DLAT: variants seen among roughly 807,000 people sequenced by gnomAD.
DLAT encodes the protein dihydrolipoamide S-acetyltransferase, also known as dihydrolipoyllysine-residue acetyltransferase component of pyruvate dehydrogenase complex, mitochondrial.
Under a neutral mutation model 68.0 loss-of-function variants are expected in DLAT, and 43 were observed. That is an observed-to-expected ratio of 0.63 (90% CI 0.50 to 0.81). The LOEUF is 0.81. Ranked by LOEUF, DLAT falls within the 40% of genes least tolerant of loss-of-function variation. The probability of loss-of-function intolerance (pLI) is 0.00; values close to 1 mark genes in which losing one functional copy is unlikely to be tolerated. For synonymous variants in DLAT, 265 were observed against 288.6 expected (o/e 0.92, Z 0.83); for missense variants, 745 against 815.4 (o/e 0.91, Z 1.05).
chr11:112,061,052 G>T lies in DLAT; in HGVS notation c.1692G>T (p.Thr564=). The T allele has an allele frequency of 6.2e-7, 1 of 1,601,940 alleles. No homozygotes were observed. Among genetic ancestry groups the T allele is most frequent in the South Asian group, 1.1e-5 (1 of 89,544 alleles). Reference sequence around the variant, plus strand: ...TTTTCCTCTAGGGTGGCACTTTTACGATCTCCAATTTAGGAATGTTTGGAA... The same window carrying T: ...TTTTCCTCTAGGGTGGCACTTTTACTATCTCCAATTTAGGAATGTTTGGAA... ...QPHEFQGGTF[T]ISNLGMFGIK... Residue 564 remains threonine, a synonymous_variant, in exon 13 of 14, where the codon ACG becomes ACT. Coordinates refer to ENST00000280346, the MANE Select transcript of DLAT (RefSeq NM_001931.5).
Position 112,060,459 on chromosome 11 carries a change from G to A in DLAT, c.1677+394G>A, listed in dbSNP as rs587625237. ...ACAGGCATGAGCCACCACGCCCAGC[G>A]TAATTCTTTTTTGAAACAGAGTCTC... On this transcript the variant is annotated intron_variant, in intron 12 of 13. Coordinates refer to ENST00000280346, the MANE Select transcript of DLAT (RefSeq NM_001931.5). Among the ~76,000 whole-genome samples, 417 of 151,246 alleles carry A rather than the reference G, an allele frequency of 2.8e-3. 2 individuals are homozygous for A. Among genetic ancestry groups the A allele is most frequent in the African/African-American group, 9.5e-3 (393 of 41,290 alleles).
At chr11:112,055,200 G>A (rs1863934134) in intron 11 of DLAT, among the ~76,000 whole-genome samples, 1 of 150,824 alleles carries the variant, frequency 6.6e-6, no homozygotes, top group South Asian at 2.1e-4. Context: ...GCTTGCTTAA[G>A]GCATTGACAG....
At chr11:112,057,860 G>T (rs1555182733) in intron 11 of DLAT, among the ~76,000 whole-genome samples, 1 of 152,188 alleles carries the variant, frequency 6.6e-6, no homozygotes, top group African/African-American at 2.4e-5. Flanking sequence ...TAAAAGTTCA[G>T]GTGATTTTTA....
At chr11:112,042,549 TG>T (rs1201182065) in intron 7 of DLAT, among the ~76,000 whole-genome samples, 3 of 152,158 alleles carry the variant, frequency 2.0e-5, no homozygotes, top group Non-Finnish European at 4.4e-5. Flanking sequence ...AAGTCTGCCT[TG>T]GGGGAAGATG....
intron 4 of DLAT, among the ~76,000 whole-genome samples, chr11:112,029,240 A>G (rs1427135826): frequency 6.6e-6 from 1 of 152,186 alleles, no homozygotes; most frequent in African/African-American, 2.4e-5. Flanking sequence ...GATTTTTACT[A>G]ACATCTATTC....
chr11:112,056,060 A>G (rs60146055), intron 11 of DLAT, among the ~76,000 whole-genome samples: 12,547 of 149,804 alleles, frequency 0.084, 1,546 homozygotes, highest in African/African-American at 0.27. Context: ...TAGAGATGGG[A>G]TTTCACCATG....
At chr11:112,050,483 C>T (rs1475820802) in intron 10 of DLAT, among the ~76,000 whole-genome samples, 1 of 152,076 alleles carries the variant, frequency 6.6e-6, no homozygotes, top group East Asian at 1.9e-4. Flanking sequence ...TGGTAGAATA[C>T]TGACGAAGCC....
chr11:112,058,621 G>GT (rs1360225035), intron 11 of DLAT, among the ~76,000 whole-genome samples: 3 of 129,060 alleles, frequency 2.3e-5, no homozygotes, highest in Non-Finnish European at 3.3e-5. Context: ...GGGGAAGGGG[G>GT]GGGTGGGGGG....
chr11:112,048,224 A>G (rs113096735), intron 10 of DLAT, among the ~76,000 whole-genome samples: 12,601 of 151,968 alleles, frequency 0.083, 1,550 homozygotes, highest in African/African-American at 0.27. Flanking sequence ...TATTCTTTTT[A>G]TAGCAATTGT....
rs782309967 is a variant in DLAT, at chr11:112,025,495, G to A, written c.23G>A (p.Arg8Gln). The A allele has an allele frequency of 1.4e-5, 23 of 1,613,554 alleles. No homozygotes were observed. The highest frequency in any genetic ancestry group is 2.2e-5 in the East Asian group (1 of 44,868). The change falls in exon 1 of 14, where the codon CGG (arginine) becomes CAG (glutamine). Residue 8 changes from arginine (R) to glutamine (Q), a missense_variant. Coordinates refer to ENST00000280346, the MANE Select transcript of DLAT (RefSeq NM_001931.5). MWRVCAR[R>Q]AQNVAPWAGL... ...ACTATGTGGCGCGTCTGTGCGCGAC[G>A]GGCTCAGAATGTAGCCCCATGGGCG...
At chr11:112,053,277 G>T (rs956279465) in intron 11 of DLAT, among the ~76,000 whole-genome samples, 7 of 151,910 alleles carry the variant, frequency 4.6e-5, no homozygotes, top group Non-Finnish European at 7.4e-5. Flanking sequence ...AACTGAGATT[G>T]TGCCATTGCA....
At chr11:112,062,284 A>G in intron 13 of DLAT, 122 bp from the exon 14 acceptor site, 1 of 1,036,436 alleles carries the variant, frequency 9.6e-7, no homozygotes, top group Non-Finnish European at 1.5e-6. Flanking sequence ...AGGAGACTGG[A>G]AGAGTAGATA....
chr11:112,040,811 C>T (rs1014978308), intron 7 of DLAT, among the ~76,000 whole-genome samples: 1 of 151,510 alleles, frequency 6.6e-6, no homozygotes, highest in Admixed American at 6.6e-5. Flanking sequence ...ATAATTATAT[C>T]TAAAGAATTT....
chr11:112,035,550 G>A (rs967321759), intron 5 of DLAT, among the ~76,000 whole-genome samples: 6 of 149,236 alleles, frequency 4.0e-5, no homozygotes, highest in Non-Finnish European at 4.5e-5. Flanking sequence ...GTGCGGTGGC[G>A]TGATCTCGGC....
intron 4 of DLAT, among the ~76,000 whole-genome samples, chr11:112,031,641 CTT>C (rs1215067052): frequency 1.3e-3 from 200 of 152,058 alleles, no homozygotes; most frequent in African/African-American, 4.6e-3. Context: ...GTGGTGCAAT[CTT>C]AGCTCACTGT....
At chr11:112,056,310 C>A (rs1040983817) in intron 11 of DLAT, among the ~76,000 whole-genome samples, 1 of 152,144 alleles carries the variant, frequency 6.6e-6, no homozygotes, top group African/African-American at 2.4e-5. Context: ...TTTCATCACC[C>A]CCAAAAGATC....
At chr11:112,031,220 C>T (rs1303055212) in intron 4 of DLAT, among the ~76,000 whole-genome samples, 1 of 152,102 alleles carries the variant, frequency 6.6e-6, no homozygotes, top group Non-Finnish European at 1.5e-5. Context: ...AAGTTATTTT[C>T]CTCTCCGCAT....
At chr11:112,029,185 G>A (rs1217959486) in intron 4 of DLAT, among the ~76,000 whole-genome samples, 1 of 152,192 alleles carries the variant, frequency 6.6e-6, no homozygotes, top group Admixed American at 6.5e-5. Flanking sequence ...AGGGTAATGC[G>A]TGGCACTTTT....
At chr11:112,054,539 G>T (rs1555182295) in intron 11 of DLAT, among the ~76,000 whole-genome samples, 1 of 152,108 alleles carries the variant, frequency 6.6e-6, no homozygotes, top group Non-Finnish European at 1.5e-5. Flanking sequence ...CTCCACAAGC[G>T]AGGAGAGGAG....
Sources: gnomAD v4.1 joint callset for allele counts (sites outside exome capture counted in the v4.1 genomes callset) on GRCh38, gnomAD v4.1.1 for gene constraint, MANE v1.5 for transcripts, NCBI Gene and HGNC (gene_info 2026-07-23, HGNC 2026-07-21) for gene names.